Variants in UNC79 observed in about 807,000 individuals in gnomAD.
The protein encoded by UNC79 is protein unc-79 homolog.
In UNC79, 37 loss-of-function variants were observed where a neutral mutation model predicts 283.1. That is an observed-to-expected ratio of 0.13 (90% CI 0.10 to 0.17). The LOEUF (loss-of-function observed/expected upper bound fraction) is 0.17, where lower values mean the gene tolerates loss of function less well. Ranked by LOEUF, UNC79 falls within the 10% of genes least tolerant of loss-of-function variation. The pLI is 1.00. For synonymous variants in UNC79, 1,107 were observed against 1,200.2 expected (o/e 0.92, Z 1.61); for missense variants, 2,272 against 3,211.1 (o/e 0.71, Z 7.07).
intron 35 of UNC79, among the ~76,000 whole-genome samples, chr14:93,650,098 G>A (rs2070083031): frequency 6.6e-6 from 1 of 152,080 alleles, no homozygotes. Flanking sequence ...TCCAACTTCT[G>A]TTACTCAGCA....
chr14:93,585,586 G>A (rs2064162908), intron 20 of UNC79, among the ~76,000 whole-genome samples: 3 of 152,152 alleles, frequency 2.0e-5, no homozygotes, highest in Admixed American at 6.5e-5. Context: ...TTTGACTGCC[G>A]TTGCCTCTGA....
intron 44 of UNC79, chr14:93,689,380 G>A (rs1368250807): frequency 6.5e-6 from 1 of 153,284 alleles, no homozygotes; most frequent in African/African-American, 2.4e-5. Context: ...GAGTGGGAAT[G>A]AGAAGGGTAG....
chr14:93,613,323 T>TGTGTGTGA (rs1055241438), intron 27 of UNC79, among the ~76,000 whole-genome samples: 351 of 149,190 alleles, frequency 2.4e-3, no homozygotes, highest in African/African-American at 8.4e-3. Flanking sequence ...TGTGTGTGTG[T>TGTGTGTGA]GAGAGAGAGA....
At chr14:93,681,946 C>T (rs181935349) in intron 41 of UNC79, among the ~76,000 whole-genome samples, 58 of 152,286 alleles carry the variant, frequency 3.8e-4, no homozygotes, top group Non-Finnish European at 2.8e-4. Context: ...CTGAGGTGTC[C>T]GGCACCAAGC....
intron 32 of UNC79, among the ~76,000 whole-genome samples, chr14:93,639,483 T>C (rs2068822901): frequency 1.3e-5 from 2 of 152,250 alleles, no homozygotes; most frequent in African/African-American, 4.8e-5. Context: ...CTTGTAATTC[T>C]GTTGCTTCCA....
chr14:93,527,976 GA>G (rs35372771), intron 8 of UNC79, among the ~76,000 whole-genome samples: 44,682 of 137,340 alleles, frequency 0.33, 6,960 homozygotes, highest in East Asian at 0.65. Flanking sequence ...TCATGTGTAG[GA>G]AAAAAAAAAA....
intron 14 of UNC79, among the ~76,000 whole-genome samples, chr14:93,551,112 C>G (rs1383415437): frequency 6.6e-6 from 1 of 152,138 alleles, no homozygotes; most frequent in African/African-American, 2.4e-5. Flanking sequence ...TGCAGTGGCG[C>G]AATCTCGGCT....
At chr14:93,355,542 A>G (rs2054069189) in intron 1 of UNC79, among the ~76,000 whole-genome samples, 1 of 152,200 alleles carries the variant, frequency 6.6e-6, no homozygotes, top group South Asian at 2.1e-4. Flanking sequence ...CATGTTGGCC[A>G]GGGTGGTCTC....
At chr14:93,411,190 CA>C (rs2055329497) in intron 1 of UNC79, among the ~76,000 whole-genome samples, 1 of 152,042 alleles carries the variant, frequency 6.6e-6, no homozygotes, top group African/African-American at 2.4e-5. Context: ...CCATCCTGGC[CA>C]CAGGATGAGG....
At chr14:93,433,272 A>G (rs2055946543) in intron 1 of UNC79, among the ~76,000 whole-genome samples, 2 of 152,198 alleles carry the variant, frequency 1.3e-5, no homozygotes, top group South Asian at 4.1e-4. Flanking sequence ...GGAAAGGTTA[A>G]GGATGCTATG....
intron 35 of UNC79, among the ~76,000 whole-genome samples, chr14:93,647,127 G>A (rs1566850275): frequency 6.6e-6 from 1 of 152,160 alleles, no homozygotes; most frequent in Non-Finnish European, 1.5e-5. Flanking sequence ...ATTTATAATT[G>A]TAAACTGTGC....
At chr14:93,532,201 C>T (rs1022304182) in intron 10 of UNC79, among the ~76,000 whole-genome samples, 4 of 151,568 alleles carry the variant, frequency 2.6e-5, no homozygotes, top group Admixed American at 1.3e-4. Flanking sequence ...TGGTGGCTTA[C>T]ACCTGTAATC....
At chr14:93,584,985 C>T (rs1238070898) in intron 20 of UNC79, among the ~76,000 whole-genome samples, 1 of 152,170 alleles carries the variant, frequency 6.6e-6, no homozygotes, top group Non-Finnish European at 1.5e-5. Flanking sequence ...GCGTGAGCCA[C>T]TGCGCCTGGC....
intron 1 of UNC79, among the ~76,000 whole-genome samples, chr14:93,435,081 T>C (rs1401770428): frequency 6.6e-6 from 1 of 152,188 alleles, no homozygotes; most frequent in Non-Finnish European, 1.5e-5. Flanking sequence ...GCACATTATA[T>C]GGTAATATCA....
chr14:93,635,694 A>T (rs1313468050), intron 31 of UNC79, among the ~76,000 whole-genome samples: 1 of 152,210 alleles, frequency 6.6e-6, no homozygotes, highest in Non-Finnish European at 1.5e-5. Flanking sequence ...CTCACATTTA[A>T]CAGATAGTTT....
exon 2 of UNC79, chr14:93,467,770 A>G (rs937907073): frequency 6.6e-7 from 1 of 1,504,700 alleles, no homozygotes. Flanking sequence ...ACCTTGAAAT[A>G]CTTTTCTCAG....
chr14:93,398,527 C>A (rs911739847), intron 1 of UNC79, among the ~76,000 whole-genome samples: 2 of 152,110 alleles, frequency 1.3e-5, no homozygotes, highest in Non-Finnish European at 2.9e-5. Flanking sequence ...GCACACTGGT[C>A]CAGAGAACTC....
intron 35 of UNC79, among the ~76,000 whole-genome samples, chr14:93,649,258 TTTTC>T (rs763499937): frequency 9.2e-5 from 14 of 152,342 alleles, no homozygotes; most frequent in Non-Finnish European, 1.6e-4. Context: ...GGATGTTTGC[TTTTC>T]TTTCTTATGT....
Position 93,497,408 on chromosome 14 carries a change from C to A in UNC79, c.898+122C>A. The A allele has an allele frequency of 2.3e-6, 3 of 1,278,590 alleles. No homozygotes were observed. The South Asian group carries it at 5.8e-5, about 25-fold the overall frequency. The allele number at this position is 1,278,590 out of a possible 1,614,324, so 79.2% of individuals were successfully genotyped here. A position where few individuals can be genotyped will look rare whatever the true frequency, so the allele number is the denominator to read the frequency against. ...TATTTTCTATGCCTTTGGACATGGT[C>A]ATAAATCCTTTCTGAAACTAAGTGG... On this transcript the variant is annotated intron_variant, in intron 7 of 48. Transcript: ENST00000555664.
Sources: allele counts gnomAD v4.1 joint callset (sites outside exome capture counted in the v4.1 genomes callset), GRCh38; gene constraint gnomAD v4.1.1; transcripts MANE v1.5; gene names NCBI Gene and HGNC (gene_info 2026-07-23, HGNC 2026-07-21).